Variants in PCDH15 observed in about 807,000 individuals in gnomAD.
PCDH15 encodes the protein protocadherin related 15.
In PCDH15, 129 loss-of-function variants were observed where a neutral mutation model predicts 178.5. The observed-to-expected ratio is 0.72, with a 90% CI of 0.63 to 0.84. The LOEUF is 0.84. Ranked by LOEUF, PCDH15 falls within the 40% of genes least tolerant of loss-of-function variation. The probability of loss-of-function intolerance (pLI) is 0.00; values close to 1 mark genes in which losing one functional copy is unlikely to be tolerated. For missense variants in PCDH15, 2,230 were observed against 2,099.9 expected (o/e 1.06, Z -1.21); for synonymous variants, 800 against 732.0 (o/e 1.09, Z -1.50).
intron 3 of PCDH15, among the ~76,000 whole-genome samples, chr10:54,402,623 G>T (rs1250350159): frequency 1.3e-5 from 2 of 151,766 alleles, no homozygotes; most frequent in African/African-American, 4.8e-5. Context: ...GGTAATTCAT[G>T]CAATATTTCA....
chr10:54,198,532 C>T (rs1273426127), intron 10 of PCDH15, among the ~76,000 whole-genome samples: 1 of 36,676 alleles, frequency 2.7e-5, no homozygotes, highest in Non-Finnish European at 4.3e-5. Flanking sequence ...GACAAAGTCT[C>T]GCTCTGTCGC....
intron 5 of PCDH15, among the ~76,000 whole-genome samples, chr10:54,365,197 A>C (rs1055337785): frequency 6.6e-6 from 1 of 152,080 alleles, no homozygotes; most frequent in African/African-American, 2.4e-5. Context: ...TATCTTTGGG[A>C]GGCTTTAATT....
intron 3 of PCDH15, among the ~76,000 whole-genome samples, chr10:54,470,276 G>A (rs549197160): frequency 2.6e-5 from 4 of 152,234 alleles, no homozygotes; most frequent in Non-Finnish European, 5.9e-5. Context: ...GCTATAAACC[G>A]GGCAGCCTTT....
chr10:55,127,727 T>C (rs1307869698), intron 2 of PCDH15, among the ~76,000 whole-genome samples: 3 of 152,090 alleles, frequency 2.0e-5, no homozygotes, highest in Non-Finnish European at 2.9e-5. Context: ...AGAAAATCAA[T>C]TAGACAGTTA....
chr10:54,343,547 G>A (rs1942654353), intron 6 of PCDH15, among the ~76,000 whole-genome samples: 1 of 151,364 alleles, frequency 6.6e-6, no homozygotes. Context: ...GGATCAATCA[G>A]TTCAGCAACT....
chr10:54,852,113 A>G (rs1953632828), intron 3 of PCDH15, among the ~76,000 whole-genome samples: 1 of 152,204 alleles, frequency 6.6e-6, no homozygotes, highest in Non-Finnish European at 1.5e-5. Flanking sequence ...GCAGATGTAG[A>G]AAAATGAGCA....
At chr10:54,221,792 G>A (rs545111412) in intron 9 of PCDH15, among the ~76,000 whole-genome samples, 11 of 152,088 alleles carry the variant, frequency 7.2e-5, no homozygotes, top group African/African-American at 2.4e-4. Context: ...TAGTAGAGAC[G>A]GGGTTTCACC....
At chr10:53,937,180 A>T (rs1303947212) in intron 25 of PCDH15, among the ~76,000 whole-genome samples, 1 of 152,168 alleles carries the variant, frequency 6.6e-6, no homozygotes, top group African/African-American at 2.4e-5. Context: ...TTTACATGTA[A>T]ATTAAAGTAA....
intron 14 of PCDH15, among the ~76,000 whole-genome samples, chr10:54,136,454 A>G (rs1174475938): frequency 7.1e-6 from 1 of 141,674 alleles, no homozygotes; most frequent in Non-Finnish European, 1.5e-5. Context: ...GCTTTCTTTC[A>G]AAAGCTAGGC....
intron 2 of PCDH15, among the ~76,000 whole-genome samples, chr10:55,587,380 A>T (rs2132127270): frequency 6.6e-6 from 1 of 152,056 alleles, no homozygotes; most frequent in African/African-American, 2.4e-5. Context: ...ATGGGTTCAA[A>T]TTTGCTGTGT....
chr10:54,208,824 G>T (rs1471670035), intron 10 of PCDH15, among the ~76,000 whole-genome samples: 1 of 151,926 alleles, frequency 6.6e-6, no homozygotes, highest in Non-Finnish European at 1.5e-5. Context: ...AGATATAGAA[G>T]ATATGTCATT....
chr10:53,921,948 T>C (rs780836631), intron 25 of PCDH15, among the ~76,000 whole-genome samples: 1 of 152,206 alleles, frequency 6.6e-6, no homozygotes, highest in African/African-American at 2.4e-5. Context: ...TTATGAAATG[T>C]AGATTTTTCA....
At chr10:53,911,515 C>A (rs1004716543) in intron 25 of PCDH15, among the ~76,000 whole-genome samples, 3 of 152,226 alleles carry the variant, frequency 2.0e-5, no homozygotes, top group East Asian at 3.9e-4. Flanking sequence ...CAGGAAAGAT[C>A]TAAAATTGAC....
chr10:53,941,491 C>T (rs1447627202), intron 23 of PCDH15, among the ~76,000 whole-genome samples: 2 of 152,136 alleles, frequency 1.3e-5, no homozygotes, highest in Non-Finnish European at 1.5e-5. Flanking sequence ...ACATCTATGG[C>T]TTGATTGCTT....
intron 2 of PCDH15, among the ~76,000 whole-genome samples, chr10:55,043,895 T>C (rs1204406896): frequency 6.6e-6 from 1 of 151,908 alleles, no homozygotes; most frequent in Non-Finnish European, 1.5e-5. Flanking sequence ...TATGAGAGGG[T>C]ATTTGAATGG....
intron 25 of PCDH15, among the ~76,000 whole-genome samples, chr10:53,924,056 C>T (rs2084245920): frequency 6.6e-6 from 1 of 152,224 alleles, no homozygotes; most frequent in Non-Finnish European, 1.5e-5. Flanking sequence ...TCAGCACCTC[C>T]TCAGCCTTGG....
At chr10:54,907,151 T>C (rs1954738578) in intron 2 of PCDH15, among the ~76,000 whole-genome samples, 1 of 152,128 alleles carries the variant, frequency 6.6e-6, no homozygotes, top group South Asian at 2.1e-4. Flanking sequence ...TCAGCTATAA[T>C]TCAAATGTAT....
intron 32 of PCDH15, among the ~76,000 whole-genome samples, chr10:53,824,330 C>T (rs2076527639): frequency 6.6e-6 from 1 of 152,086 alleles, no homozygotes; most frequent in African/African-American, 2.4e-5. Flanking sequence ...TCCGAATTCT[C>T]ATTAGCTTTT....
rs139480776 is a variant in PCDH15 at position 54,117,902 on chromosome 10, T to C, written c.1917+14973A>G. Among the ~76,000 whole-genome samples the C allele has an allele frequency of 3.0e-3, 457 of 152,248 alleles. 2 individuals carry two copies. The highest frequency in any genetic ancestry group is 0.01 in the African/African-American group (434 of 41,558). ...GCCTCATAGGGGAGGAAGTACATGCTGATTGGTCCATGGGCAGCCAGGGGC... is the reference window on the plus strand; with the variant it reads ...GCCTCATAGGGGAGGAAGTACATGCCGATTGGTCCATGGGCAGCCAGGGGC... On this transcript the variant is annotated intron_variant, in intron 15 of 37. Transcript: ENST00000644397.
Sources: gnomAD v4.1 joint callset for allele counts (sites outside exome capture counted in the v4.1 genomes callset) on GRCh38, gnomAD v4.1.1 for gene constraint, MANE v1.5 for transcripts, NCBI Gene and HGNC (gene_info 2026-07-23, HGNC 2026-07-21) for gene names.